Variants in ALX1 observed in about 807,000 individuals in gnomAD.
The protein encoded by ALX1 is ALX homeobox 1.
In ALX1, 19 loss-of-function variants were observed where a neutral mutation model predicts 31.7. The observed-to-expected ratio is 0.60, with a 90% CI of 0.42 to 0.88. The LOEUF is 0.88. Ranked by LOEUF, ALX1 falls within the 40% of genes least tolerant of loss-of-function variation. The probability of loss-of-function intolerance (pLI) is 0.00; values close to 1 mark genes in which losing one functional copy is unlikely to be tolerated. For synonymous variants in ALX1, 153 were observed against 148.8 expected, an observed-to-expected ratio of 1.03 and a Z score of -0.20; for missense variants, 415 against 407.8, an observed-to-expected ratio of 1.02 and a Z score of -0.15.
At chr12:85,287,096 A>G in intron 3 of ALX1, 115 bp downstream of exon 3, 1 of 1,270,616 alleles carries the variant, frequency 7.9e-7, no homozygotes, top group Non-Finnish European at 1.1e-6. Context: ...ATGAAAATCT[A>G]AGCTTCAGAA....
In ALX1 at chr12:85,283,744, G is replaced by A. The variant is rs377532063; in HGVS notation, c.399G>A (p.Arg133=). 1 of 1,614,138 alleles carries A rather than the reference G, an allele frequency of 6.2e-7. No individual in the cohort carries two copies. ...CDSNVSSSKK[R]RHRTTFTSLQ... is the part of the protein sequence containing the mutation. ...GCAATGTATCCAGCAGTAAGAAACG[G>A]AGGCACCGAACCACCTTCACCAGTT... Residue 133 remains arginine (R), a synonymous_variant, in exon 2 of 4, where the codon CGG becomes CGA. Transcript: ENST00000316824.
At position 85,280,234 on chromosome 12, in the gene ALX1, A is replaced by G. The variant is rs370968616; in HGVS notation, c.-28A>G. On this transcript the variant is annotated 5_prime_UTR_variant, in exon 1 of 4. Coordinates refer to ENST00000316824, the MANE Select transcript of ALX1 (RefSeq NM_006982.3). The stretch of plus-strand genomic sequence containing the variant: ...CAGCGCTCTCCAGTTTCTGTGCCCC[A>G]GGAGCTACGCGACAGTCTTCCAGGA... The G allele has an allele frequency of 2.5e-5, 37 of 1,486,312 alleles. No homozygotes were observed. Among genetic ancestry groups the G allele is most frequent in the Non-Finnish European group, 2.9e-5 (32 of 1,096,070 alleles). 92.1% of individuals were successfully genotyped at this position (1,486,312 alleles called of 1,614,324 possible). A position where few individuals can be genotyped will look rare whatever the true frequency, so the allele number is the denominator to read the frequency against.
At chr12:85,300,637 C>T (rs954701416) in intron 3 of ALX1, among the ~76,000 whole-genome samples, 1 of 151,952 alleles carries the variant, frequency 6.6e-6, no homozygotes, top group Non-Finnish European at 1.5e-5. Context: ...AATAGGAGGG[C>T]AAACATGTTC....
intron 2 of ALX1, among the ~76,000 whole-genome samples, chr12:85,286,638 C>T (rs1165230143): frequency 6.6e-6 from 1 of 151,886 alleles, no homozygotes; most frequent in East Asian, 1.9e-4. Flanking sequence ...TCTCCTGCCT[C>T]TTTCTATTAA....
intron 3 of ALX1, among the ~76,000 whole-genome samples, chr12:85,289,356 G>A (rs1354300710): frequency 6.6e-6 from 1 of 151,096 alleles, no homozygotes; most frequent in African/African-American, 2.4e-5. Context: ...TTACCATTGT[G>A]TTATTGTACC....
intron 3 of ALX1, 72 bp downstream of exon 3, chr12:85,287,053 T>C: frequency 6.5e-7 from 1 of 1,547,242 alleles, no homozygotes; most frequent in Non-Finnish European, 8.9e-7. Flanking sequence ...ATGGTTAGCA[T>C]AGGCTTTATT....
At chr12:85,301,107 A>G (rs1896958322) in intron 3 of ALX1, 48 bp from the exon 4 acceptor site, 13 of 1,606,112 alleles carry the variant, frequency 8.1e-6, no homozygotes, top group Non-Finnish European at 1.1e-5. Context: ...GTAAGAGAAC[A>G]AAAGTGAGAA....
At chr12:85,294,011 A>G (rs1242746417) in intron 3 of ALX1, among the ~76,000 whole-genome samples, 3 of 151,262 alleles carry the variant, frequency 2.0e-5, no homozygotes, top group Non-Finnish European at 3.0e-5. Context: ...TTACAAAAAT[A>G]AAATGTCGAC....
At chr12:85,292,133 G>A (rs763747287) in intron 3 of ALX1, among the ~76,000 whole-genome samples, 1 of 151,088 alleles carries the variant, frequency 6.6e-6, no homozygotes, top group Non-Finnish European at 1.5e-5. Context: ...TAAAGTACCT[G>A]CCTCTCCAGG....
rs1321625788 is a variant in ALX1 at position 85,290,676 on chromosome 12, A to G, written c.660+3695A>G. Among the ~76,000 whole-genome samples, 8 of 151,146 alleles carry G rather than the reference A, an allele frequency of 5.3e-5. No individual in the cohort carries two copies. In the South Asian group the frequency reaches 1.2e-3, roughly 23 times the overall value. On this transcript the variant is annotated intron_variant, in intron 3 of 3. Transcript: ENST00000316824. ...ATTTTGGCTCAAGATATCAGTTGCC[A>G]TTTGGCAATGCTGTGATTTAACTAA...
rs1222842327 is a variant in ALX1, at chr12:85,281,217, C to T, written c.226+730C>T. ...TACGTTTTGTATTTTTATGACTTCACATTAAAAGTCACCTAAGGAGTCTTT... is the reference window on the plus strand; with the variant it reads ...TACGTTTTGTATTTTTATGACTTCATATTAAAAGTCACCTAAGGAGTCTTT... On this transcript the variant is annotated intron_variant, in intron 1 of 3. Coordinates refer to ENST00000316824, the MANE Select transcript of ALX1 (RefSeq NM_006982.3). Among the ~76,000 whole-genome samples, 5 of 152,190 alleles carry T rather than the reference C, an allele frequency of 3.3e-5. No homozygotes were observed. The East Asian group carries it at 7.7e-4, about 23-fold the overall frequency.
intron 2 of ALX1, among the ~76,000 whole-genome samples, chr12:85,284,223 T>C (rs539479425): frequency 2.0e-5 from 1 of 49,004 alleles, no homozygotes; most frequent in African/African-American, 5.7e-4. Context: ...ATTTATTTGT[T>C]TTTTTTTTTT....
intron 3 of ALX1, among the ~76,000 whole-genome samples, chr12:85,288,853 A>G (rs913783418): frequency 6.6e-6 from 1 of 151,580 alleles, no homozygotes; most frequent in African/African-American, 2.4e-5. Context: ...TTTGAGCTGC[A>G]TTATTGTAAG....
intron 1 of ALX1, among the ~76,000 whole-genome samples, chr12:85,281,098 C>T (rs1896666570): frequency 1.3e-5 from 2 of 151,978 alleles, no homozygotes; most frequent in African/African-American, 4.8e-5. Flanking sequence ...TTTGCGTTTG[C>T]AATACAACAC....
intron 3 of ALX1, among the ~76,000 whole-genome samples, chr12:85,292,088 T>G (rs1896825607): frequency 6.6e-6 from 1 of 151,086 alleles, no homozygotes; most frequent in Non-Finnish European, 1.5e-5. Flanking sequence ...TAGTAGGAAT[T>G]CTATCATTTC....
intron 1 of ALX1, among the ~76,000 whole-genome samples, chr12:85,280,703 C>T (rs1176138277): frequency 6.6e-6 from 1 of 152,180 alleles, no homozygotes; most frequent in Non-Finnish European, 1.5e-5. Flanking sequence ...AGATCCAGCA[C>T]CGGGTTGCCT....
At chr12:85,288,234 G>A (rs180758841) in intron 3 of ALX1, among the ~76,000 whole-genome samples, 82 of 151,504 alleles carry the variant, frequency 5.4e-4, no homozygotes, top group Middle Eastern at 3.4e-3. Context: ...GACTGTAAAG[G>A]TCGCTACGTC....
intron 3 of ALX1, 46 bp downstream of exon 3, chr12:85,287,027 T>A: frequency 1.2e-6 from 2 of 1,604,290 alleles, no homozygotes; most frequent in Admixed American, 3.3e-5. Flanking sequence ...GGATATTTGG[T>A]TTGTATATTC....
chr12:85,282,724 A>G (rs1407493292), intron 1 of ALX1, among the ~76,000 whole-genome samples: 2 of 152,210 alleles, frequency 1.3e-5, no homozygotes, highest in African/African-American at 4.8e-5. Flanking sequence ...AAAATTACTG[A>G]AATTAAACAT....
Sources: allele counts gnomAD v4.1 joint callset (sites outside exome capture counted in the v4.1 genomes callset), GRCh38; gene constraint gnomAD v4.1.1; transcripts MANE v1.5; gene names NCBI Gene and HGNC (gene_info 2026-07-23, HGNC 2026-07-21).